FAM168B: variants seen among roughly 807,000 people sequenced by gnomAD.
FAM168B encodes the protein myelin-associated neurite-outgrowth inhibitor.
In FAM168B, 19 loss-of-function variants were observed where a neutral mutation model predicts 21.8. The observed-to-expected ratio is 0.87, with a 90% confidence interval of 0.61 to 1.28. The LOEUF is 1.28. Ranked by LOEUF, FAM168B falls within the 50% of genes most tolerant of loss-of-function variation. The pLI, the probability that FAM168B is intolerant of heterozygous loss-of-function variation, is 0.00. For synonymous variants in FAM168B, 126 were observed against 104.8 expected, an observed-to-expected ratio of 1.20 and a Z score of -1.24; for missense variants, 233 against 263.1, an observed-to-expected ratio of 0.89 and a Z score of 0.79.
chr2:131,058,852 T>C (rs1385515990), intron 3 of FAM168B, among the ~76,000 whole-genome samples: 2 of 152,232 alleles, frequency 1.3e-5, no homozygotes, highest in East Asian at 3.8e-4. Context: ...ATCTGTACAC[T>C]TAGTTGTATG....
chr2:131,059,659 T>C (rs1692195616), intron 3 of FAM168B, among the ~76,000 whole-genome samples: 1 of 152,208 alleles, frequency 6.6e-6, no homozygotes, highest in African/African-American at 2.4e-5. Flanking sequence ...GACTTCAAAG[T>C]TGGGAATCTC....
intron 3 of FAM168B, among the ~76,000 whole-genome samples, chr2:131,067,157 T>G (rs1692606571): frequency 6.6e-6 from 1 of 152,122 alleles, no homozygotes; most frequent in Non-Finnish European, 1.5e-5. Flanking sequence ...GAGATTTGGG[T>G]GGGGACACAG....
At chr2:131,060,300 A>T (rs1692228785) in intron 3 of FAM168B, among the ~76,000 whole-genome samples, 1 of 152,184 alleles carries the variant, frequency 6.6e-6, no homozygotes. Flanking sequence ...CTGGGATTAC[A>T]AGCGTGAGCC....
chr2:131,077,280 G>A (rs1693204157), intron 2 of FAM168B, among the ~76,000 whole-genome samples: 1 of 151,116 alleles, frequency 6.6e-6, no homozygotes, highest in East Asian at 1.9e-4. Flanking sequence ...TCCTTACAAA[G>A]CGAAGTGAGC....
At chr2:131,089,591 T>C (rs144000103) in intron 1 of FAM168B, among the ~76,000 whole-genome samples, 4 of 149,434 alleles carry the variant, frequency 2.7e-5, no homozygotes, top group Non-Finnish European at 5.9e-5. Context: ...AAAAGAAAAT[T>C]AGCCACTCAC....
At chr2:131,072,013 C>T (rs2105524597) in intron 2 of FAM168B, 75 bp from the exon 3 acceptor site, 4 of 1,320,820 alleles carry the variant, frequency 3.0e-6, no homozygotes, top group Middle Eastern at 1.8e-4. Context: ...GCAAAGCCAT[C>T]GCTCTTACCT....
At chr2:131,066,989 G>C (rs558798734) in intron 3 of FAM168B, among the ~76,000 whole-genome samples, 1 of 152,206 alleles carries the variant, frequency 6.6e-6, no homozygotes, top group South Asian at 2.1e-4. Flanking sequence ...AAGAGCAAAC[G>C]TGTGCAGGGG....
intron 3 of FAM168B, among the ~76,000 whole-genome samples, chr2:131,069,488 CT>C (rs1046447329): frequency 9.2e-5 from 14 of 151,828 alleles, no homozygotes; most frequent in African/African-American, 3.1e-4. Context: ...ACACAGGTTT[CT>C]TTCTCTTTTG....
chr2:131,058,209 G>A (rs1692121022), intron 3 of FAM168B, among the ~76,000 whole-genome samples: 1 of 152,086 alleles, frequency 6.6e-6, no homozygotes, highest in African/African-American at 2.4e-5. Context: ...ACTAGTCTGG[G>A]GCCTTTTGTT....
chr2:131,079,347 T>A (rs1325457694), intron 2 of FAM168B, among the ~76,000 whole-genome samples: 2 of 151,984 alleles, frequency 1.3e-5, no homozygotes, highest in African/African-American at 4.8e-5. Flanking sequence ...ACGCACCACA[T>A]ACCTGTAATC....
At chr2:131,073,037 TG>T (rs993005504) in intron 2 of FAM168B, among the ~76,000 whole-genome samples, 29 of 152,224 alleles carry the variant, frequency 1.9e-4, no homozygotes, top group African/African-American at 6.5e-4. Context: ...TATTATTTTT[TG>T]TTGTAAGAAA....
At chr2:131,052,767 T>C in intron 6 of FAM168B, 124 bp downstream of exon 6, 1 of 1,409,000 alleles carries the variant, frequency 7.1e-7, no homozygotes, top group Non-Finnish European at 9.5e-7. Context: ...AAACACTACA[T>C]TGCCTCTGGA....
At chr2:131,080,516 G>A (rs1422743293) in intron 2 of FAM168B, among the ~76,000 whole-genome samples, 1 of 151,460 alleles carries the variant, frequency 6.6e-6, no homozygotes, top group African/African-American at 2.4e-5. Context: ...TACTCGGGAG[G>A]CTGAGGCTGG....
At chr2:131,091,227 T>C (rs1424581147) in intron 1 of FAM168B, among the ~76,000 whole-genome samples, 2 of 151,990 alleles carry the variant, frequency 1.3e-5, no homozygotes, top group Non-Finnish European at 2.9e-5. Context: ...TAATCTCAGC[T>C]ACTCCGGAGG....
intron 2 of FAM168B, among the ~76,000 whole-genome samples, chr2:131,078,895 A>G (rs1693299093): frequency 1.3e-5 from 2 of 151,646 alleles, no homozygotes; most frequent in Non-Finnish European, 2.9e-5. Context: ...CTGAGGCAGG[A>G]GGATCCCTTG....
intron 3 of FAM168B, among the ~76,000 whole-genome samples, chr2:131,061,343 C>T (rs938542563): frequency 6.0e-5 from 9 of 150,986 alleles, no homozygotes; most frequent in Admixed American, 5.3e-4. Flanking sequence ...GTATACAGTA[C>T]TTTCAGATGC....
intron 3 of FAM168B, among the ~76,000 whole-genome samples, chr2:131,056,119 C>G (rs1558943452): frequency 6.6e-6 from 1 of 152,122 alleles, no homozygotes; most frequent in Non-Finnish European, 1.5e-5. Context: ...TATACACACA[C>G]AGAGACTTAA....
At chr2:131,054,888 T>A (rs919741263) in intron 5 of FAM168B, among the ~76,000 whole-genome samples, 1 of 152,122 alleles carries the variant, frequency 6.6e-6, no homozygotes, top group Non-Finnish European at 1.5e-5. Context: ...AACATCCCGA[T>A]GAAGACAACT....
chr2:131,061,644 G>T (rs1692300185), intron 3 of FAM168B, among the ~76,000 whole-genome samples: 1 of 152,100 alleles, frequency 6.6e-6, no homozygotes, highest in Non-Finnish European at 1.5e-5. Flanking sequence ...AGCCAGGCTT[G>T]GTGGCCACAC....
Sources: allele counts gnomAD v4.1 joint callset (sites outside exome capture counted in the v4.1 genomes callset), GRCh38; gene constraint gnomAD v4.1.1; transcripts MANE v1.5; gene names NCBI Gene and HGNC (gene_info 2026-07-23, HGNC 2026-07-21).